Variants in THSD7B observed in about 807,000 individuals in gnomAD.
THSD7B encodes thrombospondin type 1 domain containing 7B, also known as thrombospondin type-1 domain-containing protein 7B.
Under a neutral mutation model 213.6 loss-of-function variants are expected in THSD7B, and 138 were observed. That is an observed-to-expected ratio of 0.65 (90% confidence interval 0.56 to 0.74). The LOEUF (loss-of-function observed/expected upper bound fraction) is 0.74, where lower values mean the gene tolerates loss of function less well. THSD7B is among the 30% of genes least tolerant of loss of function. THSD7B has a pLI of 0.00. For synonymous variants in THSD7B, 742 were observed against 687.0 expected (o/e 1.08, Z -1.25); for missense variants, 1,931 against 1,991.5 (o/e 0.97, Z 0.58).
chr2:137,531,385 G>A (rs1050844505), intron 15 of THSD7B, among the ~76,000 whole-genome samples: 3 of 151,888 alleles, frequency 2.0e-5, no homozygotes, highest in Admixed American at 6.6e-5. Context: ...GATATGATTC[G>A]AGTCCACAAT....
At chr2:137,276,262 G>A (rs1262402411) in intron 12 of THSD7B, among the ~76,000 whole-genome samples, 1 of 143,304 alleles carries the variant, frequency 7.0e-6, no homozygotes, top group Non-Finnish European at 1.6e-5. Context: ...GCAAATATCT[G>A]TTCTCGGTCA....
intron 17 of THSD7B, among the ~76,000 whole-genome samples, chr2:137,580,495 T>C (rs553970988): frequency 1.3e-5 from 2 of 152,334 alleles, no homozygotes; most frequent in Admixed American, 1.3e-4. Flanking sequence ...CCATATAATA[T>C]ACAATAATGA....
intron 1 of THSD7B, among the ~76,000 whole-genome samples, chr2:136,770,190 T>C (rs1052177302): frequency 2.6e-5 from 4 of 152,240 alleles, no homozygotes; most frequent in African/African-American, 9.6e-5. Context: ...ACTGCAGCTT[T>C]GTAGCAATGC....
chr2:137,633,069 C>T lies in THSD7B; in HGVS notation c.3800-9419C>T, dbSNP rs562313977. Among the ~76,000 whole-genome samples, 36 of 152,290 alleles carry T rather than the reference C, an allele frequency of 2.4e-4. No homozygotes were observed. The South Asian group carries it at 7.2e-3, about 31-fold the overall frequency. The stretch of plus-strand genomic sequence containing the variant: ...GCTGTCTTTAGTTTGCAGATCAGGA[C>T]TGTAATTTTCCTCCACTCTGCTATA... On this transcript the variant is annotated intron_variant, in intron 20 of 27. Transcript: ENST00000409968.
chr2:137,185,856 A>G (rs1384308351), intron 7 of THSD7B, among the ~76,000 whole-genome samples: 1 of 152,210 alleles, frequency 6.6e-6, no homozygotes, highest in Non-Finnish European at 1.5e-5. Flanking sequence ...CATTCCCACC[A>G]ACAGTGTATA....
At chr2:136,975,211 A>T (rs746926869) in intron 2 of THSD7B, among the ~76,000 whole-genome samples, 1 of 151,720 alleles carries the variant, frequency 6.6e-6, no homozygotes, top group Non-Finnish European at 1.5e-5. Flanking sequence ...ATTAGATCCC[A>T]TTTGTCAATT....
At chr2:137,508,879 G>C (rs1335014650) in intron 15 of THSD7B, among the ~76,000 whole-genome samples, 1 of 152,112 alleles carries the variant, frequency 6.6e-6, no homozygotes, top group East Asian at 1.9e-4. Flanking sequence ...AGCTGGACTT[G>C]GACCTGGAGC....
chr2:137,211,331 T>TACACACACACAC (rs1224147467), intron 7 of THSD7B, among the ~76,000 whole-genome samples: 102 of 6,286 alleles, frequency 0.016, 4 homozygotes, highest in African/African-American at 0.031. Flanking sequence ...CTATCCTTCC[T>TACACACACACAC]ACACACACAC....
intron 1 of THSD7B, among the ~76,000 whole-genome samples, chr2:136,801,846 G>A (rs564316595): frequency 6.6e-6 from 1 of 152,230 alleles, no homozygotes; most frequent in South Asian, 2.1e-4. Context: ...CTAGAACTAA[G>A]AGGAGACTTC....
At chr2:137,344,443 T>A (rs1220414214) in intron 12 of THSD7B, among the ~76,000 whole-genome samples, 2 of 151,726 alleles carry the variant, frequency 1.3e-5, no homozygotes, top group Non-Finnish European at 3.0e-5. Flanking sequence ...GCTGCCTGCA[T>A]AACATTCATA....
chr2:137,369,219 G>A (rs977234357), intron 12 of THSD7B, among the ~76,000 whole-genome samples: 1 of 151,818 alleles, frequency 6.6e-6, no homozygotes, highest in Admixed American at 6.6e-5. Flanking sequence ...TCCTCACAAG[G>A]TTACAGTTTT....
intron 7 of THSD7B, among the ~76,000 whole-genome samples, chr2:137,179,916 T>C (rs977369410): frequency 6.6e-5 from 10 of 152,266 alleles, no homozygotes; most frequent in African/African-American, 2.4e-4. Flanking sequence ...AAACATTTTC[T>C]TCACTCTCAC....
intron 7 of THSD7B, among the ~76,000 whole-genome samples, chr2:137,190,895 G>A (rs34526310): frequency 0.046 from 7,020 of 152,236 alleles, 201 homozygotes; most frequent in Admixed American, 0.069. Flanking sequence ...ACAGTCTGGC[G>A]GCTGTTTGCT....
At chr2:136,806,985 G>A (rs7562780) in intron 1 of THSD7B, among the ~76,000 whole-genome samples, 5,540 of 152,210 alleles carry the variant, frequency 0.036, 316 homozygotes, top group African/African-American at 0.12. Context: ...GTTTTTGGGG[G>A]GAAGACCACT....
At chr2:136,830,124 G>T (rs555761263) in intron 1 of THSD7B, among the ~76,000 whole-genome samples, 7 of 148,544 alleles carry the variant, frequency 4.7e-5, no homozygotes, top group Non-Finnish European at 1.0e-4. Flanking sequence ...GCCTGTGCGC[G>T]CACACACACA....
At chr2:137,523,585 G>T (rs573920838) in intron 15 of THSD7B, among the ~76,000 whole-genome samples, 85 of 152,258 alleles carry the variant, frequency 5.6e-4, no homozygotes, top group Non-Finnish European at 9.1e-4. Flanking sequence ...GACACAATTG[G>T]TTGCATACTC....
At chr2:136,769,441 G>A (rs889931777) in intron 1 of THSD7B, among the ~76,000 whole-genome samples, 2 of 152,186 alleles carry the variant, frequency 1.3e-5, no homozygotes, top group African/African-American at 2.4e-5. Context: ...CAATTACTCC[G>A]TATCTTTTGG....
chr2:137,448,541 G>A (rs1687585482), intron 14 of THSD7B, among the ~76,000 whole-genome samples: 1 of 151,712 alleles, frequency 6.6e-6, no homozygotes, highest in African/African-American at 2.4e-5. Flanking sequence ...TGGCCGCAGT[G>A]GCTCACGCCT....
intron 5 of THSD7B, among the ~76,000 whole-genome samples, chr2:137,121,535 A>G (rs1688547091): frequency 6.6e-6 from 1 of 152,204 alleles, no homozygotes; most frequent in African/African-American, 2.4e-5. Context: ...TGAATGACCT[A>G]GAACTAGATA....
Sources: gnomAD v4.1 joint callset for allele counts (sites outside exome capture counted in the v4.1 genomes callset) on GRCh38, gnomAD v4.1.1 for gene constraint, MANE v1.5 for transcripts, NCBI Gene and HGNC (gene_info 2026-07-23, HGNC 2026-07-21) for gene names.